The following ATP8A1 variants were observed in gnomAD, a reference collection of about 807,000 sequenced individuals.
ATP8A1 encodes phospholipid-transporting ATPase IA.
A neutral mutation model predicts 177.7 loss-of-function variants in ATP8A1; 90 were observed. The observed-to-expected ratio is 0.51, with a 90% CI of 0.43 to 0.60. The LOEUF is 0.60. Among genes scored for constraint, ATP8A1 ranks in the 20% least tolerant of loss-of-function variants. ATP8A1 has a pLI of 0.00. For missense variants in ATP8A1, 1,072 were observed against 1,392.8 expected, an observed-to-expected ratio of 0.77 and a Z score of 3.67; for synonymous variants, 493 against 485.9, an observed-to-expected ratio of 1.01 and a Z score of -0.19.
intron 15 of ATP8A1, among the ~76,000 whole-genome samples, chr4:42,563,176 G>C (rs1434567496): frequency 6.6e-6 from 1 of 152,198 alleles, no homozygotes; most frequent in Non-Finnish European, 1.5e-5. Flanking sequence ...TGGACAATAA[G>C]GTCCAGGCTG....
intron 5 of ATP8A1, among the ~76,000 whole-genome samples, chr4:42,603,438 C>A (rs923763167): frequency 6.6e-6 from 1 of 152,048 alleles, no homozygotes; most frequent in African/African-American, 2.4e-5. Flanking sequence ...TGTTACTTCA[C>A]TTATTAGTTT....
chr4:42,557,943 C>T (rs563733238), intron 15 of ATP8A1, among the ~76,000 whole-genome samples: 93 of 152,200 alleles, frequency 6.1e-4, no homozygotes, highest in Non-Finnish European at 1.2e-3. Flanking sequence ...ATGAGAATCG[C>T]TTGAACCTGG....
At chr4:42,654,696 T>C (rs978708942) in intron 1 of ATP8A1, among the ~76,000 whole-genome samples, 2 of 152,222 alleles carry the variant, frequency 1.3e-5, no homozygotes, top group Non-Finnish European at 2.9e-5. Context: ...AAGAGAGATA[T>C]GATTAACACA....
rs1455712983 is a variant in ATP8A1 at position 42,455,371 on chromosome 4, A to G, written c.2743T>C (p.Cys915Arg). 1 of 1,613,840 alleles carries G rather than the reference A, an allele frequency of 6.2e-7. No individual in the cohort carries two copies. The highest frequency in any genetic ancestry group is 8.5e-7 in the Non-Finnish European group (1 of 1,179,848). ...TACTTCAACATGTTCTCTTTTCTGC[A>G]TGATCTCTCAAATATTCCAAGAGTT... ...PLTLGIFERS[C>R]RKENMLKYPE... is the part of the protein sequence containing the mutation. The change falls in exon 29 of 37, where the codon TGC becomes CGC. Residue 915 changes from cysteine to arginine, a missense_variant. Cys to Arg is a radical substitution (Grantham distance 180). This residue lies in a region of ATP8A1 where 316 missense variants were observed against 459.1 expected (regional missense o/e 0.69). Transcript: ENST00000381668.
chr4:42,633,326 A>G (rs2109515038), intron 1 of ATP8A1, among the ~76,000 whole-genome samples: 1 of 152,350 alleles, frequency 6.6e-6, no homozygotes, highest in East Asian at 1.9e-4. Flanking sequence ...TATAAGTGAA[A>G]GGCTTCTGAC....
Position 42,626,897 on chromosome 4 carries a change from A to C in ATP8A1, c.164+98T>G, listed in dbSNP as rs372223137. 25 of 837,916 alleles carry C rather than the reference A, an allele frequency of 3.0e-5. No homozygotes were observed. The South Asian group carries it at 3.0e-4, about 10-fold the overall frequency. The allele number at this position is 837,916 out of a possible 1,614,324, so 51.9% of individuals were successfully genotyped here. On this transcript the variant is annotated intron_variant, in intron 2 of 36. Coordinates refer to ENST00000381668, the MANE Select transcript of ATP8A1 (RefSeq NM_006095.2). Reference sequence around the variant, plus strand: ...TGCCAACAGGGAGCTCTCAAATATTAACTGACTGCACTGAAAGCTCTTTGC... The same window carrying C: ...TGCCAACAGGGAGCTCTCAAATATTCACTGACTGCACTGAAAGCTCTTTGC...
At chr4:42,468,143 T>C (rs1225003904) in intron 25 of ATP8A1, among the ~76,000 whole-genome samples, 3 of 152,218 alleles carry the variant, frequency 2.0e-5, no homozygotes, top group Non-Finnish European at 4.4e-5. Flanking sequence ...TGTAAACTAG[T>C]ATAATCACTA....
chr4:42,473,783 C>A (rs916870439), intron 25 of ATP8A1, among the ~76,000 whole-genome samples: 1 of 151,362 alleles, frequency 6.6e-6, no homozygotes, highest in African/African-American at 2.4e-5. Flanking sequence ...GTAGCTGGGA[C>A]TAAAAATGTA....
intron 25 of ATP8A1, among the ~76,000 whole-genome samples, chr4:42,478,889 C>G (rs1384924282): frequency 1.3e-5 from 2 of 152,154 alleles, no homozygotes; most frequent in Non-Finnish European, 2.9e-5. Context: ...GATTGTGCAG[C>G]TGGCACCATA....
chr4:42,519,591 T>C (rs2153197740), intron 22 of ATP8A1, among the ~76,000 whole-genome samples: 1 of 152,324 alleles, frequency 6.6e-6, no homozygotes, highest in Admixed American at 6.5e-5. Context: ...AGGGCCACAG[T>C]CTCATTTGCT....
chr4:42,542,764 A>T (rs925527729), intron 20 of ATP8A1, among the ~76,000 whole-genome samples: 13 of 152,044 alleles, frequency 8.6e-5, no homozygotes, highest in Non-Finnish European at 1.6e-4. Flanking sequence ...AAGGACATGA[A>T]CTCATCCTTT....
intron 22 of ATP8A1, among the ~76,000 whole-genome samples, chr4:42,517,216 G>A (rs1253630555): frequency 4.7e-5 from 7 of 149,636 alleles, no homozygotes; most frequent in African/African-American, 1.2e-4. Context: ...GAGGAGAATC[G>A]CTTGAACCCA....
intron 19 of ATP8A1, among the ~76,000 whole-genome samples, chr4:42,548,044 G>A (rs1322261928): frequency 4.6e-5 from 7 of 152,312 alleles, no homozygotes; most frequent in Admixed American, 2.6e-4. Flanking sequence ...ACATTGTCAC[G>A]TGGGAGTAAG....
intron 24 of ATP8A1, among the ~76,000 whole-genome samples, chr4:42,499,300 A>G (rs1211552085): frequency 6.6e-6 from 1 of 152,202 alleles, no homozygotes; most frequent in African/African-American, 2.4e-5. Context: ...TGTATAGTGT[A>G]TATTTTCCCT....
At chr4:42,566,765 T>C (rs1471624291) in intron 15 of ATP8A1, among the ~76,000 whole-genome samples, 1 of 152,246 alleles carries the variant, frequency 6.6e-6, no homozygotes, top group Non-Finnish European at 1.5e-5. Context: ...AGTACTGTTT[T>C]ATAACCAGGC....
chr4:42,548,483 T>C (rs1294607040), intron 19 of ATP8A1, among the ~76,000 whole-genome samples: 2 of 152,242 alleles, frequency 1.3e-5, no homozygotes, highest in African/African-American at 4.8e-5. Context: ...GCACAGAATT[T>C]ATAATGATCA....
At chr4:42,549,162 CACAA>C (rs1729230866) in intron 18 of ATP8A1, 100 bp from the exon 19 acceptor site, 7 of 933,354 alleles carry the variant, frequency 7.5e-6, no homozygotes, top group Admixed American at 2.4e-5. Flanking sequence ...AAAATGCCAA[CACAA>C]ACAAATTTTC....
intron 6 of ATP8A1, among the ~76,000 whole-genome samples, chr4:42,598,502 CTG>C (rs1226371726): frequency 1.1e-4 from 17 of 152,024 alleles, no homozygotes; most frequent in Admixed American, 1.1e-3. Context: ...ACTTTCTTAA[CTG>C]TTTATTTTTG....
At chr4:42,446,147 G>A (rs1717222968) in intron 31 of ATP8A1, among the ~76,000 whole-genome samples, 1 of 146,518 alleles carries the variant, frequency 6.8e-6, no homozygotes, top group South Asian at 2.2e-4. Flanking sequence ...ACTCTCCTGA[G>A]ACCTGGATAC....
Sources: gnomAD v4.1 joint callset for allele counts (sites outside exome capture counted in the v4.1 genomes callset) on GRCh38, gnomAD v4.1.1 for gene constraint, gnomAD v4.1.1 regional missense constraint, MANE v1.5 for transcripts, NCBI Gene and HGNC (gene_info 2026-07-23, HGNC 2026-07-21) for gene names.